DSCAM: variants seen among roughly 807,000 people sequenced by gnomAD.
DSCAM encodes cell adhesion molecule DSCAM.
A neutral mutation model predicts 217.7 loss-of-function variants in DSCAM; 47 were observed. The ratio of observed to expected loss-of-function variants is 0.22; its 90% CI spans 0.17 to 0.28. The LOEUF is 0.28. DSCAM is among the 10% of genes least tolerant of loss of function. DSCAM has a pLI of 1.00. For synonymous variants in DSCAM, 1,056 were observed against 1,015.3 expected (o/e 1.04, Z -0.76); for missense variants, 2,080 against 2,618.3 (o/e 0.79, Z 4.49).
chr21:40,786,470 AAC>A (rs1250339008), intron 1 of DSCAM, among the ~76,000 whole-genome samples: 2 of 152,126 alleles, frequency 1.3e-5, no homozygotes, highest in African/African-American at 2.4e-5. Context: ...GCTTTTTAGA[AAC>A]AGTCTTGAGC....
At chr21:40,420,926 A>G (rs759742592) in intron 3 of DSCAM, among the ~76,000 whole-genome samples, 1 of 152,092 alleles carries the variant, frequency 6.6e-6, no homozygotes, top group East Asian at 1.9e-4. Context: ...AAACTGGGAG[A>G]TGATGCATTT....
rs369419437 is a variant in DSCAM at position 40,374,349 on chromosome 21, T to C, written c.509-5104A>G. Among the ~76,000 whole-genome samples the C allele has an allele frequency of 5.3e-5, 8 of 152,326 alleles. No homozygotes were observed. In the East Asian group the frequency reaches 1.4e-3, roughly 26 times the overall value. On this transcript the variant is annotated intron_variant, in intron 3 of 32. Coordinates refer to ENST00000400454, the MANE Select transcript of DSCAM (RefSeq NM_001389.5). The stretch of plus-strand genomic sequence containing the variant: ...AGGGAAGATCCCACTGACATAAACA[T>C]AGCAGGGCCCCCTTTCAATTGCTTG...
intron 3 of DSCAM, among the ~76,000 whole-genome samples, chr21:40,655,904 T>C (rs2090070247): frequency 6.6e-6 from 1 of 151,986 alleles, no homozygotes; most frequent in South Asian, 2.1e-4. Flanking sequence ...AATACAAAAA[T>C]TAGCCAGGTG....
chr21:40,782,779 T>C (rs1372914972), intron 1 of DSCAM, among the ~76,000 whole-genome samples: 1 of 152,228 alleles, frequency 6.6e-6, no homozygotes, highest in East Asian at 1.9e-4. Context: ...TTCTGCTTTG[T>C]ACATAGCTGG....
At chr21:40,182,539 A>C (rs1346601124) in intron 14 of DSCAM, among the ~76,000 whole-genome samples, 12 of 149,724 alleles carry the variant, frequency 8.0e-5, no homozygotes, top group Non-Finnish European at 1.0e-4. Flanking sequence ...GCAGAGGCCA[A>C]CAGAGAAACC....
Position 40,451,566 on chromosome 21 carries a change from T to C in DSCAM, c.509-82321A>G, listed in dbSNP as rs559423267. On this transcript the variant is annotated intron_variant, in intron 3 of 32. Transcript: ENST00000400454. ...AGTCTGCACCAGGTATATATAGCTG[T>C]CAGAATAAATTCCATTAAAATTGCT... Among the ~76,000 whole-genome samples the C allele has an allele frequency of 1.1e-4, 16 of 152,298 alleles. 1 individual carries two copies. The highest frequency in any genetic ancestry group is 3.9e-4 in the Admixed American group (6 of 15,304).
intron 11 of DSCAM, among the ~76,000 whole-genome samples, chr21:40,251,191 A>G (rs1275645586): frequency 1.3e-5 from 2 of 152,256 alleles, no homozygotes; most frequent in Non-Finnish European, 2.9e-5. Context: ...TGGGCTGGCC[A>G]TGTGATAGAG....
intron 3 of DSCAM, among the ~76,000 whole-genome samples, chr21:40,523,438 C>T (rs916383642): frequency 6.6e-6 from 1 of 151,972 alleles, no homozygotes; most frequent in African/African-American, 2.4e-5. Flanking sequence ...ATGCACCGGC[C>T]TAAGAGCACA....
intron 3 of DSCAM, among the ~76,000 whole-genome samples, chr21:40,551,120 G>A (rs1232305800): frequency 6.6e-6 from 1 of 152,198 alleles, no homozygotes; most frequent in African/African-American, 2.4e-5. Flanking sequence ...CAATGACCAT[G>A]GCCTGAGGCA....
intron 3 of DSCAM, among the ~76,000 whole-genome samples, chr21:40,624,131 A>G (rs2089565280): frequency 6.6e-6 from 1 of 152,160 alleles, no homozygotes; most frequent in Non-Finnish European, 1.5e-5. Context: ...CTCTCACAGA[A>G]TGTTGTATCA....
intron 1 of DSCAM, among the ~76,000 whole-genome samples, chr21:40,825,318 T>TTTTTTCTTCCTTTC (rs1569055742): frequency 7.9e-4 from 106 of 134,832 alleles, no homozygotes; most frequent in African/African-American, 2.9e-3. Flanking sequence ...TCCTTCCTTT[T>TTTTTTCTTCCTTTC]TTTCTTCCTT....
At chr21:40,702,490 A>G (rs958984786) in intron 2 of DSCAM, among the ~76,000 whole-genome samples, 28 of 152,152 alleles carry the variant, frequency 1.8e-4, no homozygotes, top group African/African-American at 6.3e-4. Context: ...TGAGGATGGT[A>G]TATCATTTTT....
intron 11 of DSCAM, among the ~76,000 whole-genome samples, chr21:40,190,716 G>A (rs561749194): frequency 6.6e-6 from 1 of 152,138 alleles, no homozygotes; most frequent in East Asian, 1.9e-4. Flanking sequence ...TACTCTAGAA[G>A]AATGTGTCCT....
chr21:40,029,979 T>C (rs761872213), intron 32 of DSCAM, among the ~76,000 whole-genome samples: 1 of 152,234 alleles, frequency 6.6e-6, no homozygotes, highest in Non-Finnish European at 1.5e-5. Flanking sequence ...GCAAGTCTCT[T>C]TGATGCCTAC....
At chr21:40,343,441 A>T (rs1254884316) in intron 6 of DSCAM, among the ~76,000 whole-genome samples, 2 of 152,218 alleles carry the variant, frequency 1.3e-5, no homozygotes, top group African/African-American at 4.8e-5. Context: ...GCCACTCATT[A>T]GGTCAAGGAA....
intron 20 of DSCAM, among the ~76,000 whole-genome samples, chr21:40,119,121 A>G (rs2090004729): frequency 6.6e-6 from 1 of 152,092 alleles, no homozygotes. Context: ...AAATAAAACC[A>G]TTGGTTGTTG....
chr21:40,679,872 A>G (rs1235763216), intron 3 of DSCAM, among the ~76,000 whole-genome samples: 1 of 152,206 alleles, frequency 6.6e-6, no homozygotes, highest in Non-Finnish European at 1.5e-5. Context: ...CTTGCATTTT[A>G]GCAATTCTTA....
intron 3 of DSCAM, among the ~76,000 whole-genome samples, chr21:40,456,110 G>C (rs1220660803): frequency 6.6e-6 from 1 of 151,502 alleles, no homozygotes; most frequent in African/African-American, 2.4e-5. Flanking sequence ...AAAAGAAAAA[G>C]AAAAAAGTAT....
intron 32 of DSCAM, among the ~76,000 whole-genome samples, chr21:40,031,128 T>TC (rs1465447543): frequency 2.6e-5 from 4 of 152,200 alleles, no homozygotes; most frequent in Non-Finnish European, 5.9e-5. Context: ...TCACTGTTTT[T>TC]CTTGGGTAGC....
Sources: allele counts gnomAD v4.1 joint callset (sites outside exome capture counted in the v4.1 genomes callset), GRCh38; gene constraint gnomAD v4.1.1; transcripts MANE v1.5; gene names NCBI Gene and HGNC (gene_info 2026-07-23, HGNC 2026-07-21).